The following STXBP5L variants were observed in gnomAD, a reference collection of about 807,000 sequenced individuals.
STXBP5L encodes the protein syntaxin-binding protein 5-like.
In STXBP5L, 65 loss-of-function variants were observed where a neutral mutation model predicts 144.5. That is an observed-to-expected ratio of 0.45 (90% CI 0.37 to 0.55). The LOEUF (loss-of-function observed/expected upper bound fraction) is 0.55, where lower values mean the gene tolerates loss of function less well. STXBP5L is among the 20% of genes least tolerant of loss of function. STXBP5L has a pLI of 0.00. For missense variants in STXBP5L, 1,298 were observed against 1,405.5 expected (o/e 0.92, Z 1.22); for synonymous variants, 505 against 469.6 (o/e 1.08, Z -0.97).
intron 3 of STXBP5L, among the ~76,000 whole-genome samples, chr3:121,034,718 T>A (rs1236412981): frequency 1.3e-5 from 2 of 152,188 alleles, no homozygotes; most frequent in Admixed American, 6.6e-5. Context: ...TAATGATTTC[T>A]TCTCCTTTGG....
chr3:121,008,939 T>C (rs1266691991), intron 3 of STXBP5L, among the ~76,000 whole-genome samples: 1 of 151,934 alleles, frequency 6.6e-6, no homozygotes, highest in African/African-American at 2.4e-5. Flanking sequence ...CAATTTTTTT[T>C]TTTTACCAAG....
intron 10 of STXBP5L, among the ~76,000 whole-genome samples, chr3:121,221,168 C>T (rs1039945308): frequency 6.6e-6 from 1 of 151,822 alleles, no homozygotes; most frequent in Non-Finnish European, 1.5e-5. Flanking sequence ...TGAGCACTTT[C>T]CTGAGGAAAT....
intron 9 of STXBP5L, among the ~76,000 whole-genome samples, chr3:121,187,223 A>G (rs972305264): frequency 2.6e-5 from 4 of 152,182 alleles, no homozygotes; most frequent in Non-Finnish European, 4.4e-5. Context: ...ATGCAGCCAT[A>G]AAAAATGATG....
In STXBP5L at chr3:120,975,564, G is replaced by A. The variant is rs1940882258; in HGVS notation, c.287+20527G>A. On this transcript the variant is annotated intron_variant, in intron 3 of 26. Transcript: ENST00000471454. ...TTCTCCTGCCTGATTGCCCTGGCCAGAACTTCCAACGCTATGTTGAATAGG... is the reference window on the plus strand; with the variant it reads ...TTCTCCTGCCTGATTGCCCTGGCCAAAACTTCCAACGCTATGTTGAATAGG... Among the ~76,000 whole-genome samples the A allele has an allele frequency of 2.6e-5, 4 of 152,104 alleles. No homozygotes were observed. In the South Asian group the frequency reaches 8.3e-4, roughly 32 times the overall value.
At chr3:120,997,999 A>G (rs1943483871) in intron 3 of STXBP5L, among the ~76,000 whole-genome samples, 1 of 152,228 alleles carries the variant, frequency 6.6e-6, no homozygotes, top group Non-Finnish European at 1.5e-5. Context: ...TCATCTCAAT[A>G]GTTGCAGATA....
chr3:121,266,610 T>C (rs867280972), intron 18 of STXBP5L, among the ~76,000 whole-genome samples: 1 of 152,144 alleles, frequency 6.6e-6, no homozygotes, highest in Non-Finnish European at 1.5e-5. Context: ...AACATTAATA[T>C]TGGAAGTTCT....
intron 5 of STXBP5L, among the ~76,000 whole-genome samples, chr3:121,058,516 G>C (rs1948608773): frequency 6.6e-6 from 1 of 152,184 alleles, no homozygotes; most frequent in Non-Finnish European, 1.5e-5. Context: ...GGGTCAAATG[G>C]TATTTCTGAT....
chr3:121,142,103 G>A (rs2045532930), intron 7 of STXBP5L, among the ~76,000 whole-genome samples: 1 of 152,008 alleles, frequency 6.6e-6, no homozygotes, highest in Non-Finnish European at 1.5e-5. Flanking sequence ...GTAAACAAAA[G>A]TGAGGAGGGA....
intron 3 of STXBP5L, among the ~76,000 whole-genome samples, chr3:121,004,401 G>T (rs940213573): frequency 6.6e-6 from 1 of 152,028 alleles, no homozygotes; most frequent in East Asian, 1.9e-4. Context: ...CATTGATTTT[G>T]TATCCTGAGA....
intron 5 of STXBP5L, among the ~76,000 whole-genome samples, chr3:121,075,886 T>C (rs1360871856): frequency 1.3e-5 from 2 of 152,206 alleles, no homozygotes; most frequent in Non-Finnish European, 2.9e-5. Context: ...CTCCAGCCTC[T>C]AGAGAGCAGC....
chr3:121,054,057 G>A lies in STXBP5L; in HGVS notation c.470+8522G>A, dbSNP rs566755577. Among the ~76,000 whole-genome samples the A allele has an allele frequency of 9.7e-4, 148 of 152,278 alleles. 1 individual carries two copies. The Middle Eastern group carries it at 0.01, about 10-fold the overall frequency. Reference sequence around the variant, plus strand: ...CACAATGAGATACCATCTCACACCCGTTAGAATGGCAATCATTAAAAAGTC... The same window carrying A: ...CACAATGAGATACCATCTCACACCCATTAGAATGGCAATCATTAAAAAGTC... On this transcript the variant is annotated intron_variant, in intron 5 of 26. Transcript: ENST00000471454.
intron 9 of STXBP5L, among the ~76,000 whole-genome samples, chr3:121,195,236 TATA>T (rs1359365322): frequency 1.3e-5 from 2 of 152,086 alleles, no homozygotes; most frequent in African/African-American, 2.4e-5. Context: ...TGCTCTTGAT[TATA>T]ATAATGTTAG....
At chr3:121,074,149 G>A (rs2041924052) in intron 5 of STXBP5L, among the ~76,000 whole-genome samples, 1 of 152,068 alleles carries the variant, frequency 6.6e-6, no homozygotes. Flanking sequence ...AATCCTTGGG[G>A]GAGCCTGGTC....
intron 19 of STXBP5L, among the ~76,000 whole-genome samples, chr3:121,307,916 AAAG>A (rs1477938387): frequency 6.6e-6 from 1 of 152,226 alleles, no homozygotes; most frequent in Admixed American, 6.5e-5. Flanking sequence ...CAAAAAACAA[AAAG>A]AAAATCTTGA....
chr3:120,968,737 C>T (rs1456917139), intron 3 of STXBP5L, among the ~76,000 whole-genome samples: 1 of 152,010 alleles, frequency 6.6e-6, no homozygotes, highest in Non-Finnish European at 1.5e-5. Context: ...TATCCAAAGT[C>T]CATTATATCA....
chr3:120,999,993 G>T (rs1353621829), intron 3 of STXBP5L, among the ~76,000 whole-genome samples: 1 of 152,056 alleles, frequency 6.6e-6, no homozygotes, highest in African/African-American at 2.4e-5. Flanking sequence ...TAGCCTGATG[G>T]GGCTCCCTTT....
chr3:121,354,268 A>G (rs890392740), intron 20 of STXBP5L, among the ~76,000 whole-genome samples: 7 of 152,092 alleles, frequency 4.6e-5, no homozygotes, highest in Non-Finnish European at 5.9e-5. Context: ...TCTGCCTAAT[A>G]TTGACAGTGG....
At chr3:121,255,230 C>A (rs1312152079) in intron 16 of STXBP5L, 118 bp downstream of exon 16, 3 of 636,472 alleles carry the variant, frequency 4.7e-6, no homozygotes, top group East Asian at 6.1e-5. Flanking sequence ...GCTAGTAATA[C>A]AATTCACAGG....
chr3:121,184,067 C>T (rs2047270141), intron 9 of STXBP5L, among the ~76,000 whole-genome samples: 1 of 151,934 alleles, frequency 6.6e-6, no homozygotes, highest in Non-Finnish European at 1.5e-5. Context: ...AGGTCACCAA[C>T]ATCAAGGACC....
Sources: gnomAD v4.1 joint callset for allele counts (sites outside exome capture counted in the v4.1 genomes callset) on GRCh38, gnomAD v4.1.1 for gene constraint, MANE v1.5 for transcripts, NCBI Gene and HGNC (gene_info 2026-07-23, HGNC 2026-07-21) for gene names.